Variants in PRAMEF10 observed in about 807,000 individuals in gnomAD.
PRAMEF10 encodes PRAME family member 10.
In PRAMEF10, 4 loss-of-function variants were observed where a neutral mutation model predicts 27.7. The ratio of observed to expected loss-of-function variants is 0.14; its 90% CI spans 0.07 to 0.33. The LOEUF is 0.33. Among genes scored for constraint, PRAMEF10 ranks in the 10% least tolerant of loss-of-function variants. The pLI is 1.00. For missense variants in PRAMEF10, 99 were observed against 453.9 expected, an observed-to-expected ratio of 0.22 and a Z score of 7.10; for synonymous variants, 46 against 176.0, an observed-to-expected ratio of 0.26 and a Z score of 5.85.
Position 12,895,090 on chromosome 1 carries a change from A to G in PRAMEF10, c.362T>C (p.Val121Ala), listed in dbSNP as rs199792484. The G allele has an allele frequency of 4.0e-5, 60 of 1,492,472 alleles. 1 individual carries two copies. The highest frequency in any genetic ancestry group is 5.0e-5 in the Non-Finnish European group (54 of 1,078,618). The allele number at this position is 1,492,472 out of a possible 1,614,324, so 92.5% of individuals were successfully genotyped here. A position where few individuals can be genotyped will look rare whatever the true frequency, so the allele number is the denominator to read the frequency against. ...CATGGCCTCTGGGGAGCAGGAGAGG[A>G]CCCTGGCTCCAGACCATATGGTCCA... ...NFWTIWSGAR[V>A]LSCSPEAMSK... Residue 121 changes from valine (V) to alanine (A), a missense_variant, in exon 3 of 4, where the codon GTC becomes GCC. Coordinates refer to ENST00000235347, the MANE Select transcript of PRAMEF10 (RefSeq NM_001039361.4).
At chr1:12,894,172 C>T (rs1383529294) in intron 3 of PRAMEF10, among the ~76,000 whole-genome samples, 133 of 149,714 alleles carry the variant, frequency 8.9e-4, no homozygotes, top group Admixed American at 2.4e-3. Context: ...CTTGGCCTCC[C>T]GAAGTGCTGG....
At chr1:12,893,842 C>G (rs1284866631) in intron 3 of PRAMEF10, among the ~76,000 whole-genome samples, 1 of 123,176 alleles carries the variant, frequency 8.1e-6, no homozygotes, top group Non-Finnish European at 1.7e-5. Flanking sequence ...GAGTTCAAAA[C>G]AACGTTTTAC....
intron 3 of PRAMEF10, among the ~76,000 whole-genome samples, chr1:12,894,071 G>C (rs1051964472): frequency 6.7e-6 from 1 of 150,258 alleles, no homozygotes; most frequent in Admixed American, 6.7e-5. Flanking sequence ...CTGCATGCCC[G>C]GTGACATTTT....
At chr1:12,897,968 G>T (rs1300310525) in intron 1 of PRAMEF10, among the ~76,000 whole-genome samples, 1 of 145,920 alleles carries the variant, frequency 6.9e-6, no homozygotes, top group Non-Finnish European at 1.5e-5. Context: ...AAGTGTTGGG[G>T]TTAAAGGCAT....
chr1:12,897,643 G>T (rs1641226687), intron 1 of PRAMEF10, among the ~76,000 whole-genome samples: 1 of 149,742 alleles, frequency 6.7e-6, no homozygotes, highest in African/African-American at 2.5e-5. Flanking sequence ...GATCACTTGA[G>T]GTCAGGAGTT....
Position 12,892,906 on chromosome 1 carries a change from C to T in PRAMEF10, c.*10G>A. ...AAGAAAGCTTATCCATCCCACGAAC[C>T]AGGCCTTCCCTAGGAGCAAAGATGG... is the stretch of plus-strand genomic sequence containing the variant. On this transcript the variant is annotated 3_prime_UTR_variant, in exon 4 of 4. Transcript: ENST00000235347. 1 of 1,595,044 alleles carries T rather than the reference C, an allele frequency of 6.3e-7. No homozygotes were observed. Among genetic ancestry groups the T allele is most frequent in the Non-Finnish European group, 8.6e-7 (1 of 1,168,872 alleles).
intron 1 of PRAMEF10, among the ~76,000 whole-genome samples, chr1:12,897,694 T>A (rs534411875): frequency 1.3e-5 from 2 of 148,880 alleles, no homozygotes; most frequent in Non-Finnish European, 3.0e-5. Flanking sequence ...CCACCTCTAC[T>A]AAAAATACAA....
At chr1:12,897,413 A>G (rs1641223111) in intron 1 of PRAMEF10, among the ~76,000 whole-genome samples, 1 of 150,242 alleles carries the variant, frequency 6.7e-6, no homozygotes, top group East Asian at 2.0e-4. Context: ...GGGCCTCGCA[A>G]TGTTGCCCAG....
intron 2 of PRAMEF10, 52 bp downstream of exon 2, chr1:12,895,509 C>T: frequency 1.6e-6 from 1 of 640,906 alleles, no homozygotes; most frequent in East Asian, 4.5e-5. Context: ...AGCCAGCTGT[C>T]CCTTCCCTGG....
At position 12,894,601 on chromosome 1, in the gene PRAMEF10, AG is replaced by A. The variant is rs1641179312; in HGVS notation, c.850del (p.Leu284TrpfsTer22). 1.9e-6 allele frequency: 1 copy of A among 533,614 alleles called. No homozygotes were observed. Among genetic ancestry groups the A allele is most frequent in the Non-Finnish European group, 3.2e-6 (1 of 312,916 alleles). 33.1% of individuals were successfully genotyped at this position (533,614 alleles called of 1,614,324 possible). A position where few individuals can be genotyped will look rare whatever the true frequency, so the allele number is the denominator to read the frequency against. ...CATTTCTTACCTGAGCAGGTGCTCC[AG>A]GTGCTCTTTGATATTACTGATCTTT... is the stretch of plus-strand genomic sequence containing the variant. Reference protein sequence around the residue: ...IKKISNIKEHLEHLLRYLKNP... With the variant: ...IKKISNIKEHXEHLLRYLKNP... On this transcript the variant is annotated frameshift_variant, in exon 3 of 4. Coordinates refer to ENST00000235347, the MANE Select transcript of PRAMEF10 (RefSeq NM_001039361.4). LOFTEE classifies it high-confidence loss of function.
At chr1:12,895,223 G>T in intron 2 of PRAMEF10, 59 bp from the exon 3 acceptor site, 1 of 988,028 alleles carries the variant, frequency 1.0e-6, no homozygotes, top group Non-Finnish European at 1.5e-6. Flanking sequence ...CCTGACCTGA[G>T]CTTTCACTCC....
In PRAMEF10 at chr1:12,895,159, C is replaced by T. The variant is rs201439213; in HGVS notation, c.293G>A (p.Trp98Ter). ...CCTCAAATCCAGCACTTGAAGTTTC[C>T]ACCTCCTATGAGTAACATAGGGGAA... is the stretch of plus-strand genomic sequence containing the variant. ...LVAQKVRPRR[W>*]KLQVLDLRDV... Residue 98 changes from tryptophan to a stop codon, truncating the protein, a stop_gained, in exon 3 of 4, where the codon TGG becomes TAG. Transcript: ENST00000235347. LOFTEE classifies it high-confidence loss of function. 2 of 1,436,186 alleles carry T rather than the reference C, an allele frequency of 1.4e-6. No individual in the cohort carries two copies. The highest frequency in any genetic ancestry group is 1.9e-6 in the Non-Finnish European group (2 of 1,052,240). The allele number at this position is 1,436,186 out of a possible 1,614,324, so 89.0% of individuals were successfully genotyped here. A position where few individuals can be genotyped will look rare whatever the true frequency, so the allele number is the denominator to read the frequency against.
At chr1:12,893,880 G>C (rs1443311157) in intron 3 of PRAMEF10, among the ~76,000 whole-genome samples, 1 of 127,786 alleles carries the variant, frequency 7.8e-6, no homozygotes, top group Non-Finnish European at 1.7e-5. Flanking sequence ...AGTTTGCTAA[G>C]CTGCTGAAGA....
intron 3 of PRAMEF10, among the ~76,000 whole-genome samples, chr1:12,894,187 A>G (rs1419552659): frequency 6.7e-6 from 1 of 148,602 alleles, no homozygotes; most frequent in Non-Finnish European, 1.5e-5. Context: ...TGCTGGGATT[A>G]CAGGCATGAG....
At position 12,894,972 on chromosome 1, in the gene PRAMEF10, C is replaced by T; in HGVS notation, c.480G>A (p.Leu160=). The T allele has an allele frequency of 6.2e-7, 1 of 1,606,450 alleles. No individual in the cohort carries two copies. The highest frequency in any genetic ancestry group is 8.5e-7 in the Non-Finnish European group (1 of 1,176,984). ...CAAAAAGGTAGCTCAGGCATTCATC[C>T]AGTGTACTTTCCTTTAGGCAGAGGT... ...FIDLCLKEST[L]DECLSYLFGW... The change falls in exon 3 of 4, where the codon CTG becomes CTA. Residue 160 remains leucine (L), a synonymous_variant. Coordinates refer to ENST00000235347, the MANE Select transcript of PRAMEF10 (RefSeq NM_001039361.4).
intron 1 of PRAMEF10, among the ~76,000 whole-genome samples, chr1:12,896,109 C>T (rs1413999652): frequency 1.4e-5 from 2 of 147,808 alleles, no homozygotes; most frequent in Admixed American, 1.4e-4. Context: ...TTATTAGCCA[C>T]TGTTGCAATA....
chr1:12,894,105 G>T (rs2100443039), intron 3 of PRAMEF10, among the ~76,000 whole-genome samples: 1 of 151,088 alleles, frequency 6.6e-6, no homozygotes, highest in Non-Finnish European at 1.5e-5. Context: ...AGTAGAGACG[G>T]GGATTCACTG....
At chr1:12,897,626 G>A (rs1210605873) in intron 1 of PRAMEF10, among the ~76,000 whole-genome samples, 2 of 149,780 alleles carry the variant, frequency 1.3e-5, no homozygotes, top group Non-Finnish European at 3.0e-5. Flanking sequence ...GGAGGCCAAG[G>A]CAGGTGGATC....
rs1641146640 is a variant in PRAMEF10 at position 12,892,929 on chromosome 1, T to C, written c.1412A>G (p.His471Arg). 6.3e-7 allele frequency: 1 copy of C among 1,590,838 alleles called. No homozygotes were observed. Among genetic ancestry groups the C allele is most frequent in the South Asian group, 1.1e-5 (1 of 90,136 alleles). Residue 471 changes from histidine (H) to arginine (R), a missense_variant, in exon 4 of 4, where the codon CAT becomes CGT. His to Arg is a conservative substitution (Grantham distance 29). Transcript: ENST00000235347. Reference sequence around the variant, plus strand: ...ACCAGGCCTTCCCTAGGAGCAAAGATGGAAGTCCACTTTCTCAGATGGCCA... The same window carrying C: ...ACCAGGCCTTCCCTAGGAGCAAAGACGGAAGTCCACTTTCTCAGATGGCCA... ...GSWPSEKVDFHLCS is the reference protein window; with the variant it reads ...GSWPSEKVDFRLCS
Sources: allele counts gnomAD v4.1 joint callset (sites outside exome capture counted in the v4.1 genomes callset), GRCh38; gene constraint gnomAD v4.1.1; transcripts MANE v1.5; gene names NCBI Gene and HGNC (gene_info 2026-07-23, HGNC 2026-07-21).